Variants in SMARCA4 observed in about 807,000 individuals in gnomAD.
The protein encoded by SMARCA4 is SWI/SNF related BAF chromatin remodeling complex subunit ATPase 4.
A neutral mutation model predicts 193.9 loss-of-function variants in SMARCA4; 31 were observed. The observed-to-expected ratio is 0.16, with a 90% CI of 0.12 to 0.22. The LOEUF is 0.22. Ranked by LOEUF, SMARCA4 falls within the 10% of genes least tolerant of loss-of-function variation. SMARCA4 has a pLI of 1.00. For synonymous variants in SMARCA4, 942 were observed against 933.1 expected (o/e 1.01, Z -0.17); for missense variants, 1,148 against 2,296.0 (o/e 0.50, Z 10.22).
rs2145845908 is a variant in SMARCA4 at position 10,989,304 on chromosome 19, T to C, written c.1119-13T>C. On this transcript the variant is annotated splice_polypyrimidine_tract_variant and intron_variant, in intron 6 of 34. Coordinates refer to ENST00000344626, the MANE Select transcript of SMARCA4 (RefSeq NM_003072.5). ...ACCCTCTCACCGCCTTTGCTCCTTG[T>C]CTCTGCTCCCAGGCTGCAGGCTCGC... is the stretch of plus-strand genomic sequence containing the variant. 1 of 1,613,830 alleles carries C rather than the reference T, an allele frequency of 6.2e-7. No individual in the cohort carries two copies. Among genetic ancestry groups the C allele is most frequent in the Non-Finnish European group, 8.5e-7 (1 of 1,179,878 alleles).
At chr19:11,015,937 G>C (rs1387636601) in intron 16 of SMARCA4, 1 of 152,162 alleles carries the variant, frequency 6.6e-6, no homozygotes, top group Non-Finnish European at 1.5e-5. Flanking sequence ...CTTGAACCTG[G>C]GAGACGGGGG....
rs757337039 is a variant in SMARCA4 at position 11,012,898 on chromosome 19, T to G, written c.2275-51T>G. On this transcript the variant is annotated intron_variant, in intron 15 of 34. Transcript: ENST00000344626. ...GACTCTCTGAAGTGGGAGGACCCTC[T>G]GGTGTCCGACCCGGCCTTCAGTCCT... 3.8e-6 allele frequency: 6 copies of G among 1,590,784 alleles called. No homozygotes were observed. The Admixed American group carries it at 1.0e-4, about 27-fold the overall frequency.
Position 11,058,385 on chromosome 19 carries a change from C to T in SMARCA4, c.4533+22C>T, listed in dbSNP as rs116712137. 1,370 of 1,520,034 alleles carry T rather than the reference C, an allele frequency of 9.0e-4. 10 individuals carry two copies. In the African/African-American group the frequency reaches 0.016, roughly 18 times the overall value. 94.2% of individuals were successfully genotyped at this position (1,520,034 alleles called of 1,614,324 possible). A position where few individuals can be genotyped will look rare whatever the true frequency, so the allele number is the denominator to read the frequency against. The stretch of plus-strand genomic sequence containing the variant: ...AAAGGTAACCCTGACGTTGTACCTG[C>T]GCCCCGCATGTGCCCGGAGGGGAGT... On this transcript the variant is annotated intron_variant, in intron 31 of 34. Transcript: ENST00000344626. This position sits in a 1 kb window ranked among gnomAD's most constrained non-coding sequence, Gnocchi z 5.8.
At chr19:11,061,204 A>AATATATATAT (rs55894159) in intron 34 of SMARCA4, among the ~76,000 whole-genome samples, 15 of 45,196 alleles carry the variant, frequency 3.3e-4, no homozygotes, top group African/African-American at 1.2e-3. Context: ...AAAAAAAAAA[A>AATATATATAT]ATATATATAT....
intron 6 of SMARCA4, among the ~76,000 whole-genome samples, chr19:10,988,269 C>T (rs1238698447): frequency 2.0e-5 from 3 of 152,104 alleles, no homozygotes; most frequent in South Asian, 2.1e-4. Flanking sequence ...TATAGGCATG[C>T]GCCACCACAC....
At chr19:11,053,681 G>A (rs1488722396) in intron 30 of SMARCA4, among the ~76,000 whole-genome samples, 4 of 151,974 alleles carry the variant, frequency 2.6e-5, no homozygotes, top group African/African-American at 9.7e-5. Context: ...AGGCTGATGT[G>A]GGAGGATCCC....
At chr19:10,967,078 G>A (rs920596560) in intron 1 of SMARCA4, among the ~76,000 whole-genome samples, 4 of 152,088 alleles carry the variant, frequency 2.6e-5, no homozygotes, top group African/African-American at 9.7e-5. Flanking sequence ...TTTCTTGATT[G>A]AAGTTTTCTG....
chr19:11,048,289 T>C (rs1364982087), intron 30 of SMARCA4, among the ~76,000 whole-genome samples: 1 of 152,144 alleles, frequency 6.6e-6, no homozygotes, highest in Non-Finnish European at 1.5e-5. Flanking sequence ...TGGAGTGCCA[T>C]GGCACAATCT....
chr19:11,035,668 G>A (rs2075227236), intron 29 of SMARCA4, among the ~76,000 whole-genome samples: 1 of 152,254 alleles, frequency 6.6e-6, no homozygotes, highest in African/African-American at 2.4e-5. Context: ...GCAGTTGCTT[G>A]TGGAGCTGAC....
chr19:10,976,953 A>G (rs2085182041), intron 1 of SMARCA4, among the ~76,000 whole-genome samples: 1 of 152,098 alleles, frequency 6.6e-6, no homozygotes, highest in East Asian at 1.9e-4. Context: ...GCTACTCGGG[A>G]GGCTGAGGCA....
chr19:11,046,483 G>T (rs559543079), intron 30 of SMARCA4, among the ~76,000 whole-genome samples: 1 of 152,154 alleles, frequency 6.6e-6, no homozygotes, highest in Admixed American at 6.5e-5. Context: ...CCTGGGGGTC[G>T]CCCATTGGAC....
intron 1 of SMARCA4, among the ~76,000 whole-genome samples, chr19:10,973,591 A>G (rs1169689121): frequency 1.7e-4 from 19 of 109,946 alleles, no homozygotes; most frequent in Non-Finnish European, 2.9e-4. Context: ...TTTTTTTGAG[A>G]CAGAGTCTTG....
intron 14 of SMARCA4, chr19:11,008,439 A>T: frequency 3.1e-6 from 1 of 322,280 alleles, no homozygotes; most frequent in Non-Finnish European, 6.1e-6. Flanking sequence ...ATTGGTGTGC[A>T]CCTTGTTATT....
At chr19:11,032,977 C>T (rs1226024733) in intron 25 of SMARCA4, 4 of 454,010 alleles carry the variant, frequency 8.8e-6, no homozygotes, top group East Asian at 4.3e-5. Context: ...GGAGCTGTGC[C>T]GCTGCCACGG....
chr19:10,974,681 ATATATATATTTTTTTTTTTTTTTTTTT>A (rs1301477110), intron 1 of SMARCA4, among the ~76,000 whole-genome samples: 1 of 42,138 alleles, frequency 2.4e-5, no homozygotes, highest in Admixed American at 3.2e-4. Flanking sequence ...ATATATATAT[ATATATATATTTTTTTTTTTTTTTTTTT>A]TTTTTTTTTT....
At chr19:11,042,277 C>T (rs1370939905) in intron 30 of SMARCA4, among the ~76,000 whole-genome samples, 1 of 152,240 alleles carries the variant, frequency 6.6e-6, no homozygotes, top group East Asian at 1.9e-4. Context: ...ATATCCTTTT[C>T]CGTGAGCGAC....
Position 10,985,128 on chromosome 19 carries a change from G to A in SMARCA4, c.223-145G>A, listed in dbSNP as rs574692028. On this transcript the variant is annotated intron_variant, in intron 2 of 34. Coordinates refer to ENST00000344626, the MANE Select transcript of SMARCA4 (RefSeq NM_003072.5). This position sits in a 1 kb window ranked among gnomAD's most constrained non-coding sequence, Gnocchi z 4.5. ...TAAGTAGGTGTCAGAACCTTGCCTT[G>A]GAGTCATGCTGGGGACTGGGGAGAT... 19 of 814,248 alleles carry A rather than the reference G, an allele frequency of 2.3e-5. No individual in the cohort carries two copies. The African/African-American group carries it at 3.1e-4, about 13-fold the overall frequency. The allele number at this position is 814,248 out of a possible 1,614,324, so 50.4% of individuals were successfully genotyped here. A position where few individuals can be genotyped will look rare whatever the true frequency, so the allele number is the denominator to read the frequency against.
At chr19:11,018,406 G>A (rs944638860) in intron 16 of SMARCA4, 6 of 262,420 alleles carry the variant, frequency 2.3e-5, no homozygotes, top group Non-Finnish European at 3.8e-5. Context: ...ATCCCACAGG[G>A]GAACAGCCAC....
intron 30 of SMARCA4, among the ~76,000 whole-genome samples, chr19:11,057,660 C>A (rs1249443891): frequency 7.9e-5 from 12 of 151,784 alleles, no homozygotes; most frequent in Admixed American, 7.9e-4. Context: ...GCCCAGGAGG[C>A]AGAGGTTGCA....
Sources: gnomAD v4.1 joint callset for allele counts (sites outside exome capture counted in the v4.1 genomes callset) on GRCh38, gnomAD v4.1.1 for gene constraint, Gnocchi (gnomAD v3.1) non-coding constraint, MANE v1.5 for transcripts, NCBI Gene and HGNC (gene_info 2026-07-23, HGNC 2026-07-21) for gene names.